GALNT17: variants seen among roughly 807,000 people sequenced by gnomAD.
GALNT17 encodes UDP-GalNAc:polypeptide N-acetylgalactosaminyltransferase-like 3.
In GALNT17, 29 loss-of-function variants were observed where a neutral mutation model predicts 63.7. That is an observed-to-expected ratio of 0.46 (90% CI 0.34 to 0.62). The LOEUF (loss-of-function observed/expected upper bound fraction) is 0.62, where lower values mean the gene tolerates loss of function less well. Among genes scored for constraint, GALNT17 ranks in the 20% least tolerant of loss-of-function variants. The pLI, the probability that GALNT17 is intolerant of heterozygous loss-of-function variation, is 0.01. For missense variants in GALNT17, 603 were observed against 799.6 expected (o/e 0.75, Z 2.97); for synonymous variants, 305 against 318.3 (o/e 0.96, Z 0.45).
intron 9 of GALNT17, among the ~76,000 whole-genome samples, chr7:71,710,463 G>A (rs186396414): frequency 2.0e-5 from 3 of 152,158 alleles, no homozygotes; most frequent in Non-Finnish European, 4.4e-5. Flanking sequence ...AGCTGAGATC[G>A]TGCCATTGCA....
intron 5 of GALNT17, among the ~76,000 whole-genome samples, chr7:71,463,559 G>A (rs541316139): frequency 6.6e-6 from 1 of 152,278 alleles, no homozygotes; most frequent in Non-Finnish European, 1.5e-5. Context: ...TGAAAAAAAG[G>A]CTACTCCATA....
intron 2 of GALNT17, among the ~76,000 whole-genome samples, chr7:71,344,793 G>A (rs1792061350): frequency 6.6e-6 from 1 of 152,136 alleles, no homozygotes; most frequent in African/African-American, 2.4e-5. Context: ...TAAGGACTAA[G>A]CAGGGATAAG....
intron 1 of GALNT17, among the ~76,000 whole-genome samples, chr7:71,142,155 C>A (rs988763265): frequency 1.3e-5 from 2 of 152,060 alleles, no homozygotes; most frequent in Non-Finnish European, 2.9e-5. Flanking sequence ...TAGGAATGAG[C>A]CACTATGCGG....
chr7:71,151,574 T>A (rs1410332837), intron 1 of GALNT17, among the ~76,000 whole-genome samples: 1 of 147,404 alleles, frequency 6.8e-6, no homozygotes, highest in African/African-American at 2.5e-5. Flanking sequence ...TGAGCCGAGA[T>A]CGCGCCACTC....
chr7:71,658,966 C>A (rs2117035065), intron 6 of GALNT17, among the ~76,000 whole-genome samples: 1 of 152,300 alleles, frequency 6.6e-6, no homozygotes, highest in South Asian at 2.1e-4. Flanking sequence ...TTCTTCCCTG[C>A]AAAATAGCAA....
chr7:71,652,003 G>A (rs1189602826), intron 6 of GALNT17, among the ~76,000 whole-genome samples: 1 of 152,116 alleles, frequency 6.6e-6, no homozygotes, highest in African/African-American at 2.4e-5. Flanking sequence ...TGCCCAGCCT[G>A]GGTTGAATTT....
chr7:71,335,701 G>A lies in GALNT17; in HGVS notation c.390G>A (p.Leu130=). 6.2e-7 allele frequency: 1 copy of A among 1,610,082 alleles called. No homozygotes were observed. The highest frequency in any genetic ancestry group is 8.5e-7 in the Non-Finnish European group (1 of 1,178,472). ...CATACCTCAGTGAAAAAATTTCACT[G>A]GACCGTTCCATTCCGGATTATCGTC... The part of the protein sequence containing the change: ...YNSYLSEKIS[L]DRSIPDYRPT... Residue 130 remains leucine (L), a synonymous_variant, in exon 2 of 11, where the codon CTG becomes CTA. Transcript: ENST00000333538.
In GALNT17 at chr7:71,319,096, A is replaced by ATCTATCTTTCTTTCTT. The variant is rs779161547; in HGVS notation, c.239-16451_239-16450insATCTTTCTTTCTTTCT. Among the ~76,000 whole-genome samples the ATCTATCTTTCTTTCTT allele has an allele frequency of 1.9e-3, 257 of 131,948 alleles. 3 individuals are homozygous for ATCTATCTTTCTTTCTT. The highest frequency in any genetic ancestry group is 8.2e-3 in the East Asian group (34 of 4,158). 86.6% of individuals were successfully genotyped at this position (131,948 alleles called of 152,430 possible). A position where few individuals can be genotyped will look rare whatever the true frequency, so the allele number is the denominator to read the frequency against. Reference sequence around the variant, plus strand: ...TCAGCTTGCTGAGCTATTTTTGTTTATCTTTCTTTCTTTCTTTCTTTCTTT... The same window carrying ATCTATCTTTCTTTCTT: ...TCAGCTTGCTGAGCTATTTTTGTTTATCTATCTTTCTTTCTTTCTTTCTTTCTTTCTTTCTTTCTTT... On this transcript the variant is annotated intron_variant, in intron 1 of 10. Coordinates refer to ENST00000333538, the MANE Select transcript of GALNT17 (RefSeq NM_022479.3).
intron 10 of GALNT17, among the ~76,000 whole-genome samples, chr7:71,711,604 A>T (rs1446606383): frequency 8.2e-6 from 1 of 122,346 alleles, no homozygotes. Flanking sequence ...TCTCTCCTCT[A>T]TCTCCTGTCT....
At position 71,132,567 on chromosome 7, in the gene GALNT17, C is replaced by T; in HGVS notation, c.-236C>T. On this transcript the variant is annotated 5_prime_UTR_variant, in exon 1 of 11. Transcript: ENST00000333538. ...CGTGCGCCGTGGACTGAGCAGGCGT[C>T]TCGGGGAGCACTTCTGCAGAGCGAG... The T allele has an allele frequency of 3.8e-6, 2 of 532,442 alleles. No individual in the cohort carries two copies. The highest frequency in any genetic ancestry group is 4.9e-5 in the South Asian group (2 of 40,596). 33.0% of individuals were successfully genotyped at this position (532,442 alleles called of 1,614,324 possible). A position where few individuals can be genotyped will look rare whatever the true frequency, so the allele number is the denominator to read the frequency against.
In GALNT17 at chr7:71,389,815, A is replaced by G. The variant is rs1315251732; in HGVS notation, c.589+1414A>G. 3.9e-5 allele frequency among the ~76,000 whole-genome samples: 6 copies of G among 152,234 alleles called. No individual in the cohort carries two copies. In the East Asian group the frequency reaches 9.6e-4, roughly 24 times the overall value. ...GGCCACTGTGCCCAAAATGATCTTAAGTAGAAGTGAGTGGTGTTTGCTCAT... is the reference window on the plus strand; with the variant it reads ...GGCCACTGTGCCCAAAATGATCTTAGGTAGAAGTGAGTGGTGTTTGCTCAT... On this transcript the variant is annotated intron_variant, in intron 3 of 10. Transcript: ENST00000333538.
intron 5 of GALNT17, among the ~76,000 whole-genome samples, chr7:71,501,477 A>G (rs1358433510): frequency 6.6e-6 from 1 of 152,162 alleles, no homozygotes; most frequent in Non-Finnish European, 1.5e-5. Flanking sequence ...TATGTTGCCC[A>G]GGCTGGTCTC....
At chr7:71,607,074 G>C (rs1434370876) in intron 6 of GALNT17, among the ~76,000 whole-genome samples, 1 of 152,076 alleles carries the variant, frequency 6.6e-6, no homozygotes, top group Non-Finnish European at 1.5e-5. Context: ...TGGGAGGCTG[G>C]GGTGGGAGGA....
At chr7:71,449,469 T>C (rs898939712) in intron 5 of GALNT17, among the ~76,000 whole-genome samples, 2 of 152,194 alleles carry the variant, frequency 1.3e-5, no homozygotes, top group African/African-American at 4.8e-5. Context: ...TCATTATATG[T>C]ATATTTTTTA....
At chr7:71,495,082 C>T (rs1306821920) in intron 5 of GALNT17, among the ~76,000 whole-genome samples, 1 of 152,044 alleles carries the variant, frequency 6.6e-6, no homozygotes, top group African/African-American at 2.4e-5. Context: ...ACCAGCCTGG[C>T]TAACACATAG....
intron 6 of GALNT17, among the ~76,000 whole-genome samples, chr7:71,605,211 G>A (rs1436664001): frequency 1.3e-5 from 2 of 152,072 alleles, no homozygotes; most frequent in Admixed American, 6.6e-5. Flanking sequence ...CCAGCCTTCC[G>A]TTTATTTATT....
At chr7:71,505,970 CTCTT>C (rs796887942) in intron 5 of GALNT17, among the ~76,000 whole-genome samples, 4 of 152,258 alleles carry the variant, frequency 2.6e-5, no homozygotes, top group African/African-American at 9.6e-5. Context: ...GTGTTGATCT[CTCTT>C]TCTCTGCCTC....
At chr7:71,500,315 C>T (rs752329461) in intron 5 of GALNT17, among the ~76,000 whole-genome samples, 1 of 152,170 alleles carries the variant, frequency 6.6e-6, no homozygotes, top group African/African-American at 2.4e-5. Flanking sequence ...AGCAGGCACT[C>T]AATAAAGGTT....
chr7:71,677,238 T>A lies in GALNT17; in HGVS notation c.1432T>A (p.Cys478Ser). Residue 478 changes from cysteine to serine, a missense_variant, in exon 9 of 11, where the codon TGC becomes AGC. By Grantham distance (112) the Cys-to-Ser change is moderately radical. Around this residue, in one of 3 missense-constraint regions of GALNT17, gnomAD observed 336 missense variants for 507.8 expected, o/e 0.66. Transcript: ENST00000333538. ...ELRNNKAKDV[C>S]LDQGPLENHT... ...TCGCAACAACAAGGCAAAAGACGTC[T>A]GCTTGGACCAGGGGCCGCTGGAGAA... 1 of 1,614,066 alleles carries A rather than the reference T, an allele frequency of 6.2e-7. No individual in the cohort carries two copies. The highest frequency in any genetic ancestry group is 8.5e-7 in the Non-Finnish European group (1 of 1,179,972).
Sources: allele counts gnomAD v4.1 joint callset (sites outside exome capture counted in the v4.1 genomes callset), GRCh38; gene constraint gnomAD v4.1.1; regional missense constraint gnomAD v4.1.1; transcripts MANE v1.5; gene names NCBI Gene and HGNC (gene_info 2026-07-23, HGNC 2026-07-21).